The following HSPA12A variants were observed in gnomAD, a reference collection of about 807,000 sequenced individuals.
The protein encoded by HSPA12A is heat shock protein family A (Hsp70) member 12A.
A neutral mutation model predicts 69.2 loss-of-function variants in HSPA12A; 28 were observed. The ratio of observed to expected loss-of-function variants is 0.40; its 90% CI spans 0.30 to 0.55. The LOEUF (loss-of-function observed/expected upper bound fraction) is 0.55, where lower values mean the gene tolerates loss of function less well. HSPA12A is among the 20% of genes least tolerant of loss of function. The pLI, the probability that HSPA12A is intolerant of heterozygous loss-of-function variation, is 0.38. For missense variants in HSPA12A, 686 were observed against 900.7 expected (o/e 0.76, Z 3.05); for synonymous variants, 345 against 370.5 (o/e 0.93, Z 0.79).
chr10:116,812,536 C>T (rs540228979), intron 2 of HSPA12A, among the ~76,000 whole-genome samples: 3 of 152,186 alleles, frequency 2.0e-5, no homozygotes, highest in African/African-American at 7.2e-5. Flanking sequence ...CTTGACTTTC[C>T]TGTCAGTTGA....
At chr10:116,780,872 T>C (rs946330537) in intron 2 of HSPA12A, among the ~76,000 whole-genome samples, 1 of 152,248 alleles carries the variant, frequency 6.6e-6, no homozygotes, top group South Asian at 2.1e-4. Flanking sequence ...GTTTGTCCTC[T>C]ACATTTATAA....
rs186656786 is a variant in HSPA12A, at chr10:116,815,799, T to G, written c.91+19136A>C. ...CTGCCTGCTGCTCGGCATGTGCTGT[T>G]GACAAGGCTCAAAAACAGAAAGCTT... is the stretch of plus-strand genomic sequence containing the variant. On this transcript the variant is annotated intron_variant, in intron 2 of 12. Transcript: ENST00000635765. Among the ~76,000 whole-genome samples, 1,338 of 152,292 alleles carry G rather than the reference T, an allele frequency of 8.8e-3. 25 individuals are homozygous for G. The highest frequency in any genetic ancestry group is 0.03 in the African/African-American group (1,255 of 41,552).
chr10:116,804,864 G>A (rs1845035175), intron 2 of HSPA12A, among the ~76,000 whole-genome samples: 1 of 152,200 alleles, frequency 6.6e-6, no homozygotes, highest in Admixed American at 6.5e-5. Flanking sequence ...GACAACAGAA[G>A]TAATGTTTCA....
At chr10:116,697,545 C>T (rs1321711294) in intron 5 of HSPA12A, among the ~76,000 whole-genome samples, 1 of 152,140 alleles carries the variant, frequency 6.6e-6, no homozygotes, top group Non-Finnish European at 1.5e-5. Context: ...ATGTCCAGTC[C>T]CATTTTCTAT....
At chr10:116,847,386 T>C (rs907136390) in intron 1 of HSPA12A, among the ~76,000 whole-genome samples, 2 of 152,196 alleles carry the variant, frequency 1.3e-5, no homozygotes, top group African/African-American at 4.8e-5. Context: ...CAAAAACCCA[T>C]CAATGCTACC....
chr10:116,713,856 C>G (rs1850522137), intron 1 of HSPA12A, among the ~76,000 whole-genome samples: 1 of 152,132 alleles, frequency 6.6e-6, no homozygotes, highest in African/African-American at 2.4e-5. Flanking sequence ...GAGGCTCTAC[C>G]AGATCACCCT....
chr10:116,734,680 T>G (rs1405708353), intron 1 of HSPA12A, among the ~76,000 whole-genome samples: 6 of 150,170 alleles, frequency 4.0e-5, no homozygotes, highest in African/African-American at 1.2e-4. Flanking sequence ...TTTTCATATA[T>G]TAGCCTTCAA....
chr10:116,749,792 T>G (rs1554888139), intron 2 of HSPA12A: 1 of 152,282 alleles, frequency 6.6e-6, no homozygotes, highest in Non-Finnish European at 1.5e-5. Context: ...TGCCTGGAGG[T>G]GGATTCTCCA....
At chr10:116,704,265 G>C (rs1330233863) in intron 3 of HSPA12A, among the ~76,000 whole-genome samples, 2 of 152,160 alleles carry the variant, frequency 1.3e-5, no homozygotes, top group Admixed American at 1.3e-4. Flanking sequence ...ATACACCATG[G>C]AATACTATGC....
At chr10:116,838,094 T>C (rs973432438) in intron 1 of HSPA12A, among the ~76,000 whole-genome samples, 9 of 152,184 alleles carry the variant, frequency 5.9e-5, no homozygotes, top group Non-Finnish European at 1.3e-4. Flanking sequence ...GGGAAATAGA[T>C]AGTAAGCGGT....
chr10:116,727,208 C>T (rs1461183772), intron 1 of HSPA12A, among the ~76,000 whole-genome samples: 1 of 152,178 alleles, frequency 6.6e-6, no homozygotes, highest in Non-Finnish European at 1.5e-5. Flanking sequence ...CAGAATTCCG[C>T]AACTTGGGCT....
chr10:116,849,466 C>T (rs1845985291), intron 1 of HSPA12A: 7 of 1,416,264 alleles, frequency 4.9e-6, no homozygotes, highest in Non-Finnish European at 6.5e-6. Flanking sequence ...CTGGAAGCCA[C>T]GCGAGATCTG....
intron 1 of HSPA12A, among the ~76,000 whole-genome samples, chr10:116,725,941 C>G (rs1392675489): frequency 6.6e-6 from 1 of 151,702 alleles, no homozygotes; most frequent in Non-Finnish European, 1.5e-5. Context: ...CATAGGACTC[C>G]GTTTACAGAA....
At chr10:116,691,616 G>A (rs1076369) in intron 6 of HSPA12A, among the ~76,000 whole-genome samples, 79,340 of 152,056 alleles carry the variant, frequency 0.52, 21,095 homozygotes, top group Middle Eastern at 0.65. Flanking sequence ...TGCAACAGGA[G>A]CCAGCTCTGT....
At chr10:116,827,977 A>C (rs2133205807) in intron 2 of HSPA12A, among the ~76,000 whole-genome samples, 1 of 152,250 alleles carries the variant, frequency 6.6e-6, no homozygotes, top group Non-Finnish European at 1.5e-5. Flanking sequence ...GGCATTTGTA[A>C]ATTTTAAATT....
chr10:116,792,474 A>G (rs1242475708), intron 2 of HSPA12A, among the ~76,000 whole-genome samples: 2 of 151,988 alleles, frequency 1.3e-5, no homozygotes. Context: ...AATCCAAAGC[A>G]AGAAAAAATA....
Position 116,723,423 on chromosome 10 carries a change from C to T in HSPA12A, c.41-16138G>A, listed in dbSNP as rs1224954440. ...AAGCTGTTCTTCCAGGGGCAGGGGACGGGGCTGAGGACCCCGAATGAGCTG... is the reference window on the plus strand; with the variant it reads ...AAGCTGTTCTTCCAGGGGCAGGGGATGGGGCTGAGGACCCCGAATGAGCTG... On this transcript the variant is annotated intron_variant, in intron 1 of 11. Coordinates refer to ENST00000369209, the MANE Select transcript of HSPA12A (RefSeq NM_025015.3). The surrounding 1 kb of genome is among the most constrained non-coding windows in gnomAD (Gnocchi z 4.1). 4.6e-5 allele frequency among the ~76,000 whole-genome samples: 7 copies of T among 152,122 alleles called. No individual in the cohort carries two copies. The highest frequency in any genetic ancestry group is 3.9e-4 in the East Asian group (2 of 5,178).
intron 6 of HSPA12A, among the ~76,000 whole-genome samples, chr10:116,684,297 A>T (rs940828442): frequency 6.6e-6 from 1 of 152,122 alleles, no homozygotes; most frequent in South Asian, 2.1e-4. Context: ...TCCGGACTGC[A>T]GGAGGCACAC....
intron 2 of HSPA12A, among the ~76,000 whole-genome samples, chr10:116,769,300 C>T (rs573152236): frequency 2.9e-4 from 44 of 152,286 alleles, no homozygotes; most frequent in Middle Eastern, 3.4e-3. Flanking sequence ...GGAATGCTTT[C>T]CCCACCCCTT....
Sources: gnomAD v4.1 joint callset for allele counts (sites outside exome capture counted in the v4.1 genomes callset) on GRCh38, gnomAD v4.1.1 for gene constraint, Gnocchi (gnomAD v3.1) non-coding constraint, MANE v1.5 for transcripts, NCBI Gene and HGNC (gene_info 2026-07-23, HGNC 2026-07-21) for gene names.